Variants in MIPOL1 observed in about 807,000 individuals in gnomAD.
MIPOL1 encodes mirror-image polydactyly 1.
A neutral mutation model predicts 60.9 loss-of-function variants in MIPOL1; 57 were observed. That is an observed-to-expected ratio of 0.94 (90% CI 0.76 to 1.17). The LOEUF is 1.17. Ranked by LOEUF, MIPOL1 falls within the 50% of genes most tolerant of loss-of-function variation. MIPOL1 has a pLI of 0.00. For synonymous variants in MIPOL1, 179 were observed against 168.8 expected, an observed-to-expected ratio of 1.06 and a Z score of -0.47; for missense variants, 551 against 511.6, an observed-to-expected ratio of 1.08 and a Z score of -0.74.
chr14:37,459,939 G>T (rs550226084), intron 11 of MIPOL1, among the ~76,000 whole-genome samples: 206 of 152,168 alleles, frequency 1.4e-3, no homozygotes, highest in African/African-American at 4.9e-3. Flanking sequence ...GCCGGGCATG[G>T]TGGCTGGCAG....
At chr14:37,504,070 T>C (rs1364562967) in intron 12 of MIPOL1, 3 of 152,110 alleles carry the variant, frequency 2.0e-5, no homozygotes, top group Non-Finnish European at 4.4e-5. Flanking sequence ...CCTAAATATA[T>C]ATGCACCCAA....
intron 11 of MIPOL1, among the ~76,000 whole-genome samples, chr14:37,479,838 A>G (rs1373068748): frequency 6.6e-6 from 1 of 152,144 alleles, no homozygotes; most frequent in African/African-American, 2.4e-5. Context: ...ATTAAAAATC[A>G]GAAATGAAAG....
intron 7 of MIPOL1, among the ~76,000 whole-genome samples, chr14:37,298,305 A>G (rs2085976042): frequency 6.6e-6 from 1 of 152,084 alleles, no homozygotes; most frequent in Non-Finnish European, 1.5e-5. Context: ...TTAATTCAAG[A>G]TGGATTAAAG....
chr14:37,264,632 A>T (rs1459137320), intron 3 of MIPOL1, among the ~76,000 whole-genome samples: 1 of 152,168 alleles, frequency 6.6e-6, no homozygotes, highest in East Asian at 1.9e-4. Context: ...TCTCAAAAAA[A>T]AAAATTGTGT....
At chr14:37,331,699 C>A (rs2089702833) in intron 9 of MIPOL1, among the ~76,000 whole-genome samples, 1 of 151,974 alleles carries the variant, frequency 6.6e-6, no homozygotes, top group South Asian at 2.1e-4. Context: ...AATATAAGAT[C>A]ATGTCATCTG....
intron 1 of MIPOL1, among the ~76,000 whole-genome samples, chr14:37,206,772 A>T (rs1391393509): frequency 6.6e-6 from 1 of 152,200 alleles, no homozygotes; most frequent in Admixed American, 6.5e-5. Context: ...GTCAAAGGAG[A>T]TAATTTTGGA....
chr14:37,242,689 T>C (rs1394017021), intron 1 of MIPOL1, among the ~76,000 whole-genome samples: 1 of 152,182 alleles, frequency 6.6e-6, no homozygotes, highest in Non-Finnish European at 1.5e-5. Context: ...ACTGAGTCCA[T>C]ATTTTATGCC....
chr14:37,388,654 A>T (rs1246104823), intron 10 of MIPOL1, among the ~76,000 whole-genome samples: 1 of 151,864 alleles, frequency 6.6e-6, no homozygotes, highest in African/African-American at 2.4e-5. Flanking sequence ...CCCAACCTCT[A>T]TCCCCAGCCC....
intron 11 of MIPOL1, among the ~76,000 whole-genome samples, chr14:37,486,352 G>GT (rs1237823848): frequency 2.0e-5 from 3 of 152,016 alleles, no homozygotes; most frequent in African/African-American, 4.8e-5. Context: ...TTTAAAGTAG[G>GT]TTTTTTCAAT....
chr14:37,370,990 A>G, intron 10 of MIPOL1, among the ~76,000 whole-genome samples: 1 of 152,186 alleles, frequency 6.6e-6, no homozygotes, highest in Middle Eastern at 3.2e-3. Flanking sequence ...AGCACCTAAG[A>G]TAAAAATTCT....
chr14:37,484,302 C>T (rs545349965), intron 11 of MIPOL1, among the ~76,000 whole-genome samples: 1 of 148,586 alleles, frequency 6.7e-6, no homozygotes, highest in South Asian at 2.1e-4. Context: ...TCTTCCATTT[C>T]TCCTTCCATG....
At chr14:37,224,688 C>T (rs954196317) in intron 1 of MIPOL1, among the ~76,000 whole-genome samples, 3 of 152,044 alleles carry the variant, frequency 2.0e-5, no homozygotes, top group African/African-American at 7.2e-5. Flanking sequence ...GGTGGGGACA[C>T]ATCCAAACCA....
chr14:37,344,737 T>C (rs1389744296), intron 9 of MIPOL1, among the ~76,000 whole-genome samples: 1 of 152,162 alleles, frequency 6.6e-6, no homozygotes, highest in Non-Finnish European at 1.5e-5. Context: ...AAAATTTATA[T>C]ATAAAGAGTG....
At chr14:37,488,255 A>T (rs942799030) in intron 11 of MIPOL1, among the ~76,000 whole-genome samples, 5 of 152,070 alleles carry the variant, frequency 3.3e-5, no homozygotes, top group Non-Finnish European at 7.4e-5. Flanking sequence ...ATGTGATCAG[A>T]TTTAGAATAA....
intron 9 of MIPOL1, among the ~76,000 whole-genome samples, chr14:37,367,325 C>A (rs182367098): frequency 4.3e-4 from 65 of 152,090 alleles, no homozygotes; most frequent in East Asian, 9.6e-4. Context: ...TATAGGATTA[C>A]ATAAATTTAA....
chr14:37,532,412 C>T (rs904733981), intron 12 of MIPOL1, among the ~76,000 whole-genome samples: 5 of 152,064 alleles, frequency 3.3e-5, no homozygotes, highest in African/African-American at 4.8e-5. Flanking sequence ...AACACTTTAA[C>T]GCATAAAGAA....
intron 3 of MIPOL1, among the ~76,000 whole-genome samples, chr14:37,264,290 G>T (rs960839834): frequency 2.6e-5 from 4 of 151,980 alleles, no homozygotes; most frequent in African/African-American, 9.7e-5. Flanking sequence ...AAAAGTCAAA[G>T]TGTTTCATGC....
At chr14:37,230,146 C>T (rs969330755) in intron 1 of MIPOL1, among the ~76,000 whole-genome samples, 6 of 152,064 alleles carry the variant, frequency 3.9e-5, no homozygotes, top group Non-Finnish European at 5.9e-5. Context: ...ATGTATATTT[C>T]AAAACAACAT....
At chr14:37,221,296 A>C (rs1186939170) in intron 1 of MIPOL1, among the ~76,000 whole-genome samples, 1 of 152,198 alleles carries the variant, frequency 6.6e-6, no homozygotes, top group Non-Finnish European at 1.5e-5. Flanking sequence ...TCATGGCAAC[A>C]GGTGGAAAGA....
Sources: gnomAD v4.1 joint callset for allele counts (sites outside exome capture counted in the v4.1 genomes callset) on GRCh38, gnomAD v4.1.1 for gene constraint, MANE v1.5 for transcripts, NCBI Gene and HGNC (gene_info 2026-07-23, HGNC 2026-07-21) for gene names.